OSMR: variants seen among roughly 807,000 people sequenced by gnomAD.
OSMR encodes the protein oncostatin M receptor.
A neutral mutation model predicts 99.9 loss-of-function variants in OSMR; 81 were observed. The observed-to-expected ratio is 0.81, with a 90% CI of 0.68 to 0.97. OSMR has a LOEUF of 0.97. Ranked by LOEUF, OSMR falls within the 50% of genes least tolerant of loss-of-function variation. OSMR has a pLI of 0.00. For synonymous variants in OSMR, 406 were observed against 410.4 expected (o/e 0.99, Z 0.13); for missense variants, 1,099 against 1,153.4 (o/e 0.95, Z 0.68).
intron 9 of OSMR, among the ~76,000 whole-genome samples, chr5:38,912,797 A>G (rs1204794120): frequency 6.6e-6 from 1 of 152,190 alleles, no homozygotes; most frequent in East Asian, 1.9e-4. Context: ...CTGATCTTCT[A>G]CAAAGTCAAC....
chr5:38,942,452 A>ATTTTT, intron 1 of OSMR: 2 of 564,334 alleles, frequency 3.5e-6, no homozygotes, highest in South Asian at 4.2e-5. Context: ...TAAATATCTA[A>ATTTTT]TTTTTTTTTT....
intron 7 of OSMR, among the ~76,000 whole-genome samples, chr5:38,889,475 AATTT>A (rs1206110665): frequency 1.3e-5 from 2 of 151,400 alleles, no homozygotes; most frequent in East Asian, 3.9e-4. Context: ...TTCAATTTTG[AATTT>A]ATTTTTTGTT....
At chr5:38,929,638 A>C (rs778743521) in intron 15 of OSMR, among the ~76,000 whole-genome samples, 2 of 152,202 alleles carry the variant, frequency 1.3e-5, no homozygotes, top group Non-Finnish European at 2.9e-5. Context: ...GCAATTTTGG[A>C]AAACTCCTTG....
At chr5:38,923,016 TC>T in intron 12 of OSMR, 133 bp from the exon 13 acceptor site, 1 of 962,366 alleles carries the variant, frequency 1.0e-6, no homozygotes, top group Non-Finnish European at 1.6e-6. Flanking sequence ...CCTCAAGTGA[TC>T]CGCCTGCCTC....
At position 38,933,538 on chromosome 5, in the gene OSMR, A is replaced by C; in HGVS notation, c.*94A>C. The C allele has an allele frequency of 7.1e-7, 1 of 1,400,312 alleles. No individual in the cohort carries two copies. The highest frequency in any genetic ancestry group is 1.2e-5 in the South Asian group (1 of 85,688). 86.7% of individuals were successfully genotyped at this position (1,400,312 alleles called of 1,614,324 possible). ...ACCAGTGGCCTTGGTCCTTAATCCC[A>C]GTACGATTTGCAGGTCTGGTTTATA... On this transcript the variant is annotated 3_prime_UTR_variant, in exon 18 of 18. Transcript: ENST00000274276.
intron 15 of OSMR, among the ~76,000 whole-genome samples, chr5:38,931,042 T>A (rs1746720063): frequency 6.6e-6 from 1 of 152,024 alleles, no homozygotes; most frequent in African/African-American, 2.4e-5. Flanking sequence ...CCCAGCTCTA[T>A]TTGTCAGGGT....
Position 38,885,335 on chromosome 5 carries a change from C to G in OSMR, c.704-14C>G. On this transcript the variant is annotated splice_polypyrimidine_tract_variant and intron_variant, in intron 5 of 17. Coordinates refer to ENST00000274276, the MANE Select transcript of OSMR (RefSeq NM_003999.3). ...AAAAGATTTAACTAGGTCTGTTTTCCTTTGTATGGACAGAAGTACTTGAGG... is the reference window on the plus strand; with the variant it reads ...AAAAGATTTAACTAGGTCTGTTTTCGTTTGTATGGACAGAAGTACTTGAGG... 6.2e-7 allele frequency: 1 copy of G among 1,613,508 alleles called. No individual in the cohort carries two copies. The highest frequency in any genetic ancestry group is 8.5e-7 in the Non-Finnish European group (1 of 1,179,742).
intron 7 of OSMR, among the ~76,000 whole-genome samples, chr5:38,899,077 A>C (rs144164113): frequency 9.6e-4 from 144 of 149,354 alleles, no homozygotes; most frequent in African/African-American, 3.5e-3. Flanking sequence ...TCTCTGCCTC[A>C]GCCTCCCAAG....
In OSMR at chr5:38,898,950, C is replaced by CTTTTTTTTTTTT. The variant is rs58159819; in HGVS notation, c.992-4919_992-4908dup. 2.2e-4 allele frequency among the ~76,000 whole-genome samples: 17 copies of CTTTTTTTTTTTT among 78,286 alleles called. 3 individuals are homozygous for CTTTTTTTTTTTT. Among genetic ancestry groups the CTTTTTTTTTTTT allele is most frequent in the Non-Finnish European group, 3.3e-4 (15 of 45,918 alleles). The allele number at this position is 78,286 out of a possible 152,430, so 51.4% of individuals were successfully genotyped here. On this transcript the variant is annotated intron_variant, in intron 7 of 17. Transcript: ENST00000274276. The stretch of plus-strand genomic sequence containing the variant: ...TTTGTTGTTTCTATTTACATAATAT[C>CTTTTTTTTTTTT]TTTTTTTTTTTTTTTTTTTTTTTTG...
In OSMR at chr5:38,885,398, G is replaced by A. The variant is rs377643650; in HGVS notation, c.753G>A (p.Lys251=). 354 of 1,613,788 alleles carry A rather than the reference G, an allele frequency of 2.2e-4. No individual in the cohort carries two copies. Among genetic ancestry groups the A allele is most frequent in the Non-Finnish European group, 2.9e-4 (339 of 1,179,852 alleles). ...TTTCTTGTGAAACCGAGGACTTCAA[G>A]ACTTTGCACTGTACTTGGGATCCTG... ...KDFSCETEDF[K]TLHCTWDPGT... The change falls in exon 6 of 18, where the codon AAG becomes AAA. Residue 251 remains lysine, a synonymous_variant. Transcript: ENST00000274276.
intron 9 of OSMR, among the ~76,000 whole-genome samples, chr5:38,917,097 C>G (rs1745944398): frequency 6.6e-6 from 1 of 152,008 alleles, no homozygotes; most frequent in Non-Finnish European, 1.5e-5. Context: ...AGCGGGCCAG[C>G]CGTGGGTATC....
intron 3 of OSMR, among the ~76,000 whole-genome samples, chr5:38,880,931 C>T (rs1743232231): frequency 6.6e-6 from 1 of 152,206 alleles, no homozygotes; most frequent in African/African-American, 2.4e-5. Context: ...TCCTAGAAAA[C>T]AGTGTAAGAC....
chr5:38,934,870 T>C lies in OSMR; in HGVS notation c.*1426T>C, dbSNP rs1746944315. 6.6e-6 allele frequency: 1 copy of C among 152,180 alleles called. No individual in the cohort carries two copies. The highest frequency in any genetic ancestry group is 2.1e-4 in the South Asian group (1 of 4,828). The allele number at this position is 152,180 out of a possible 1,614,324, so 9.4% of individuals were successfully genotyped here. A position where few individuals can be genotyped will look rare whatever the true frequency, so the allele number is the denominator to read the frequency against. The stretch of plus-strand genomic sequence containing the variant: ...TATTTTTTGAGATGAAATTTCGCTC[T>C]TGTTGCCCAGGCTGGAGTGCAATGG... On this transcript the variant is annotated 3_prime_UTR_variant, in exon 18 of 18. Transcript: ENST00000274276.
chr5:38,929,647 T>G (rs1363973906), intron 15 of OSMR, among the ~76,000 whole-genome samples: 1 of 152,216 alleles, frequency 6.6e-6, no homozygotes, highest in Non-Finnish European at 1.5e-5. Flanking sequence ...GAAAACTCCT[T>G]GGTAGTATCT....
In OSMR at chr5:38,881,603, G is replaced by A. The variant is rs866378619; in HGVS notation, c.257G>A (p.Ser86Asn). 6.2e-7 allele frequency: 1 copy of A among 1,614,144 alleles called. No individual in the cohort carries two copies. Among genetic ancestry groups the A allele is most frequent in the South Asian group, 1.1e-5 (1 of 91,086 alleles). The change falls in exon 4 of 18, where the codon AGC (serine) becomes AAC (asparagine). Residue 86 changes from serine (S) to asparagine (N), a missense_variant. By Grantham distance (46) the Ser-to-Asn change is conservative. Coordinates refer to ENST00000274276, the MANE Select transcript of OSMR (RefSeq NM_003999.3). Reference protein sequence around the residue: ...TSNVIWVGNYSTTVKWNQVLH... With the variant: ...TSNVIWVGNYNTTVKWNQVLH... ...TCTCTTTGCTTTTAGGGGAATTACA[G>A]CACCACTGTGAAGTGGAACCAGGTT...
intron 9 of OSMR, among the ~76,000 whole-genome samples, chr5:38,914,555 T>C (rs1180728044): frequency 6.6e-6 from 1 of 152,220 alleles, no homozygotes; most frequent in Non-Finnish European, 1.5e-5. Context: ...ACGCATATGT[T>C]CATCACAGCA....
At chr5:38,895,853 T>G (rs1334244889) in intron 7 of OSMR, among the ~76,000 whole-genome samples, 1 of 152,142 alleles carries the variant, frequency 6.6e-6, no homozygotes, top group Non-Finnish European at 1.5e-5. Flanking sequence ...GTGTCTAGTT[T>G]CATTTTTCTG....
At chr5:38,916,456 A>G (rs752013716) in intron 9 of OSMR, among the ~76,000 whole-genome samples, 16 of 152,208 alleles carry the variant, frequency 1.1e-4, no homozygotes, top group Non-Finnish European at 2.2e-4. Context: ...TTCCTTATCT[A>G]GAGAATGGGG....
rs768474814 is a variant in OSMR, at chr5:38,876,421, AG to A, written c.246+49del. The A allele has an allele frequency of 1.9e-5, 29 of 1,496,914 alleles. No individual in the cohort carries two copies. In the Admixed American group the frequency reaches 2.4e-4, roughly 13 times the overall value. The allele number at this position is 1,496,914 out of a possible 1,614,324, so 92.7% of individuals were successfully genotyped here. A position where few individuals can be genotyped will look rare whatever the true frequency, so the allele number is the denominator to read the frequency against. On this transcript the variant is annotated intron_variant, in intron 3 of 17. Coordinates refer to ENST00000274276, the MANE Select transcript of OSMR (RefSeq NM_003999.3). ...TATTTAAAAAATCATCTTTAAAAAA[AG>A]ACACCTTGGTTTTCTTTTATAACAT...
Sources: allele counts gnomAD v4.1 joint callset (sites outside exome capture counted in the v4.1 genomes callset), GRCh38; gene constraint gnomAD v4.1.1; transcripts MANE v1.5; gene names NCBI Gene and HGNC (gene_info 2026-07-23, HGNC 2026-07-21).